Variants in ERCC8 observed in about 807,000 individuals in gnomAD.
ERCC8 encodes the protein ERCC excision repair 8, CSA ubiquitin ligase complex subunit, also known as DNA excision repair protein ERCC-8.
A neutral mutation model predicts 54.9 loss-of-function variants in ERCC8; 52 were observed. The ratio of observed to expected loss-of-function variants is 0.95; its 90% CI spans 0.76 to 1.19. The LOEUF is 1.19. Ranked by LOEUF, ERCC8 falls within the 50% of genes most tolerant of loss-of-function variation. The probability of loss-of-function intolerance (pLI) is 0.00; values close to 1 mark genes in which losing one functional copy is unlikely to be tolerated. For missense variants in ERCC8, 514 were observed against 466.1 expected (o/e 1.10, Z -0.95); for synonymous variants, 146 against 157.2 (o/e 0.93, Z 0.53).
chr5:60,899,160 C>T (rs1332403734), intron 8 of ERCC8, among the ~76,000 whole-genome samples: 1 of 151,756 alleles, frequency 6.6e-6, no homozygotes, highest in Admixed American at 6.6e-5. Context: ...AGAATTAATT[C>T]TCTATCAAAA....
At chr5:60,891,662 CTT>C (rs35789098) in intron 9 of ERCC8, among the ~76,000 whole-genome samples, 3 of 143,662 alleles carry the variant, frequency 2.1e-5, no homozygotes, top group African/African-American at 7.7e-5. Flanking sequence ...GGGGCATATT[CTT>C]TTTTTTTTTT....
rs1369314468 is a variant in ERCC8 at position 60,904,882 on chromosome 5, CAA to C, written c.400-11_400-10del. The C allele has an allele frequency of 3.0e-6, 4 of 1,344,924 alleles. No individual in the cohort carries two copies. The highest frequency in any genetic ancestry group is 1.4e-5 in the African/African-American group (1 of 69,938). The allele number at this position is 1,344,924 out of a possible 1,614,324, so 83.3% of individuals were successfully genotyped here. A position where few individuals can be genotyped will look rare whatever the true frequency, so the allele number is the denominator to read the frequency against. On this transcript the variant is annotated splice_polypyrimidine_tract_variant and intron_variant, in intron 4 of 11. Transcript: ENST00000676185. The stretch of plus-strand genomic sequence containing the variant: ...TTAAATACATCTGCAGTCTGGTAAT[CAA>C]AAGACATTTAAAAAGTATAAGGTTT...
At chr5:60,938,041 A>G (rs1561518866) in intron 1 of ERCC8, among the ~76,000 whole-genome samples, 1 of 11,176 alleles carries the variant, frequency 8.9e-5, no homozygotes, top group Non-Finnish European at 1.8e-4. Context: ...ACATACATAC[A>G]TACATACATA....
chr5:60,889,913 T>C (rs1359389108), intron 10 of ERCC8, among the ~76,000 whole-genome samples: 1 of 152,108 alleles, frequency 6.6e-6, no homozygotes, highest in Non-Finnish European at 1.5e-5. Context: ...ATACTGGCTA[T>C]AGGGTTGGAG....
At chr5:60,944,886 C>T (rs942196987) in intron 1 of ERCC8, 46 bp downstream of exon 1, 5 of 1,354,250 alleles carry the variant, frequency 3.7e-6, no homozygotes, top group Non-Finnish European at 1.1e-6. Flanking sequence ...AGTCATTGGT[C>T]CAGATTCTAA....
intron 4 of ERCC8, among the ~76,000 whole-genome samples, chr5:60,908,583 A>ATATTTTTT (rs527918086): frequency 1.5e-4 from 21 of 141,880 alleles, no homozygotes; most frequent in African/African-American, 5.4e-4. Flanking sequence ...ATATATATAT[A>ATATTTTTT]TTTTTTTTTT....
At chr5:60,890,840 T>A (rs776926864) in intron 10 of ERCC8, 49 bp downstream of exon 10, 1 of 1,326,996 alleles carries the variant, frequency 7.5e-7, no homozygotes. Flanking sequence ...ATATAACTGG[T>A]CTGGCAAGCT....
At chr5:60,882,970 AACACACACAC>A (rs10550173) in intron 11 of ERCC8, among the ~76,000 whole-genome samples, 1 of 144,738 alleles carries the variant, frequency 6.9e-6, no homozygotes, top group Non-Finnish European at 1.5e-5. Flanking sequence ...GCCCTGGGAA[AACACACACAC>A]ACACACACAC....
In ERCC8 at chr5:60,874,691, A is replaced by G; in HGVS notation, c.1123-8T>C. The stretch of plus-strand genomic sequence containing the variant: ...TTGTGATTTTGTTGTAGTCTAAAAA[A>G]AAAAAAGATAAAGAAAAAGGAAGAT... On this transcript the variant is annotated splice_polypyrimidine_tract_variant and splice_region_variant and intron_variant, in intron 11 of 11. Transcript: ENST00000676185. The G allele has an allele frequency of 6.3e-7, 1 of 1,597,176 alleles. No individual in the cohort carries two copies. The highest frequency in any genetic ancestry group is 8.5e-7 in the Non-Finnish European group (1 of 1,174,648).
chr5:60,895,211 A>G (rs1192757495), intron 9 of ERCC8, among the ~76,000 whole-genome samples: 1 of 147,956 alleles, frequency 6.8e-6, no homozygotes, highest in African/African-American at 2.5e-5. Context: ...TTTTTTCTAT[A>G]GGTTAGATAA....
intron 1 of ERCC8, among the ~76,000 whole-genome samples, chr5:60,935,693 T>A (rs1750043267): frequency 6.6e-6 from 1 of 152,210 alleles, no homozygotes; most frequent in African/African-American, 2.4e-5. Context: ...ATGGCTTTTA[T>A]TACCTTAAGG....
At position 60,872,154 on chromosome 5, in the gene ERCC8, T is replaced by G. The variant is rs1747876613; in HGVS notation, c.*2461A>C. ...ATGCATCCTCACCAAGGGGACAAGA[T>G]TGAAAGTAGAATGGCCTGGGCTTAA... On this transcript the variant is annotated 3_prime_UTR_variant, in exon 12 of 12. Coordinates refer to ENST00000676185, the MANE Select transcript of ERCC8 (RefSeq NM_000082.4). Among the ~76,000 whole-genome samples the G allele has an allele frequency of 6.6e-6, 1 of 152,078 alleles. No individual in the cohort carries two copies. The highest frequency in any genetic ancestry group is 1.5e-5 in the Non-Finnish European group (1 of 68,032).
At chr5:60,884,523 G>GTTTTTTTTTT (rs71606648) in intron 11 of ERCC8, among the ~76,000 whole-genome samples, 1 of 128,128 alleles carries the variant, frequency 7.8e-6, no homozygotes. Context: ...GTGTGTATGT[G>GTTTTTTTTTT]TTTTTTTTTT....
rs1010510322 is a variant in ERCC8, at chr5:60,871,765, T to C, written c.*2850A>G. ...GCAGTTTGGAAGCAGACTTCCTTTTTCTTAAAAATAAATTTCCAATTTTAA... is the reference window on the plus strand; with the variant it reads ...GCAGTTTGGAAGCAGACTTCCTTTTCCTTAAAAATAAATTTCCAATTTTAA... On this transcript the variant is annotated 3_prime_UTR_variant, in exon 12 of 12. Coordinates refer to ENST00000676185, the MANE Select transcript of ERCC8 (RefSeq NM_000082.4). Among the ~76,000 whole-genome samples the C allele has an allele frequency of 6.6e-6, 1 of 152,202 alleles. No individual in the cohort carries two copies. Among genetic ancestry groups the C allele is most frequent in the Non-Finnish European group, 1.5e-5 (1 of 68,036 alleles).
At chr5:60,922,514 C>G (rs996028483) in intron 2 of ERCC8, among the ~76,000 whole-genome samples, 1 of 151,930 alleles carries the variant, frequency 6.6e-6, no homozygotes, top group Non-Finnish European at 1.5e-5. Flanking sequence ...AGGAATTAGA[C>G]AAACCAACTA....
chr5:60,914,864 GT>G (rs1239228762), intron 4 of ERCC8, among the ~76,000 whole-genome samples: 1 of 149,476 alleles, frequency 6.7e-6, no homozygotes, highest in Non-Finnish European at 1.5e-5. Flanking sequence ...CTAATATGTA[GT>G]TTTCCCCCTT....
intron 11 of ERCC8, among the ~76,000 whole-genome samples, chr5:60,875,591 C>A (rs946918897): frequency 2.6e-5 from 4 of 152,202 alleles, no homozygotes; most frequent in African/African-American, 4.8e-5. Context: ...TTTTGTGCAA[C>A]TTTTACAACT....
chr5:60,912,204 T>A (rs1298890801), intron 4 of ERCC8, among the ~76,000 whole-genome samples: 1 of 152,160 alleles, frequency 6.6e-6, no homozygotes, highest in Non-Finnish European at 1.5e-5. Flanking sequence ...TTTCACGATA[T>A]TGATTCTTCC....
chr5:60,944,975 A>C lies in ERCC8; in HGVS notation c.34T>G (p.Leu12Val). The C allele has an allele frequency of 6.2e-7, 1 of 1,614,020 alleles. No homozygotes were observed. Among genetic ancestry groups the C allele is most frequent in the South Asian group, 1.1e-5 (1 of 91,068 alleles). The part of the protein sequence containing the change: ...LGFLSARQTG[L>V]EDPLRLRRAE... ...CTCCGAAGGCGAAGAGGGTCCTCCA[A>C]ACCCGTTTGGCGTGCGGACAAAAAC... Residue 12 changes from leucine (L) to valine (V), a missense_variant, in exon 1 of 12, where the codon TTG becomes GTG. Transcript: ENST00000676185.
Sources: gnomAD v4.1 joint callset for allele counts (sites outside exome capture counted in the v4.1 genomes callset) on GRCh38, gnomAD v4.1.1 for gene constraint, MANE v1.5 for transcripts, NCBI Gene and HGNC (gene_info 2026-07-23, HGNC 2026-07-21) for gene names.